Variants in ZNF273 observed in about 807,000 individuals in gnomAD.
ZNF273 encodes zinc finger protein 9.
A neutral mutation model predicts 14.9 loss-of-function variants in ZNF273; 11 were observed. The observed-to-expected ratio is 0.74, with a 90% CI of 0.46 to 1.22. ZNF273 has a LOEUF of 1.22. Among genes scored for constraint, ZNF273 ranks in the 50% most tolerant of loss-of-function variants. The pLI is 0.00. For missense variants in ZNF273, 577 were observed against 660.6 expected, an observed-to-expected ratio of 0.87 and a Z score of 1.39; for synonymous variants, 199 against 223.9, an observed-to-expected ratio of 0.89 and a Z score of 0.99.
intron 3 of ZNF273, among the ~76,000 whole-genome samples, chr7:64,925,061 C>T (rs1206490921): frequency 6.6e-6 from 1 of 152,160 alleles, no homozygotes; most frequent in Admixed American, 6.5e-5. Context: ...CTCGGTCTCC[C>T]AAAGTGCTGG....
intron 1 of ZNF273, among the ~76,000 whole-genome samples, chr7:64,904,532 C>CA (rs147431426): frequency 7.1e-4 from 108 of 152,304 alleles, no homozygotes; most frequent in African/African-American, 2.5e-3. Context: ...AGCAGAGTCT[C>CA]AAGACTACTC....
chr7:64,887,115 GT>G (rs1460290022), intron 1 of ZNF273, among the ~76,000 whole-genome samples: 1 of 152,216 alleles, frequency 6.6e-6, no homozygotes, highest in Admixed American at 6.5e-5. Flanking sequence ...TCGGTACTTG[GT>G]TTGGACTGAG....
chr7:64,923,481 A>G, intron 3 of ZNF273: 1 of 415,186 alleles, frequency 2.4e-6, no homozygotes, highest in Non-Finnish European at 4.7e-6. Context: ...AGCTGGGATT[A>G]TAGGCGAGTG....
At chr7:64,904,210 T>C (rs1792931851) in intron 1 of ZNF273, among the ~76,000 whole-genome samples, 1 of 152,144 alleles carries the variant, frequency 6.6e-6, no homozygotes, top group Admixed American at 6.5e-5. Context: ...TGCTTCAGCC[T>C]CCCAAGTAAC....
chr7:64,883,160 T>A (rs1791343970), downstream of ZNF273, among the ~76,000 whole-genome samples: 1 of 151,092 alleles, frequency 6.6e-6, no homozygotes, highest in South Asian at 2.1e-4. Context: ...CCGTGGTTCC[T>A]GAATCCGCGG....
At chr7:64,891,118 A>G (rs989385775), downstream of ZNF273, among the ~76,000 whole-genome samples, 11 of 152,168 alleles carry the variant, frequency 7.2e-5, no homozygotes, top group African/African-American at 2.7e-4. Context: ...CCTGGGCAGG[A>G]TGATGTCTTC....
intron 1 of ZNF273, among the ~76,000 whole-genome samples, chr7:64,912,208 C>A (rs1426069885): frequency 6.6e-6 from 1 of 152,184 alleles, no homozygotes; most frequent in African/African-American, 2.4e-5. Context: ...ATTCGCCCGC[C>A]TCGGCCTCCC....
intron 1 of ZNF273, among the ~76,000 whole-genome samples, chr7:64,911,896 G>T (rs1043292177): frequency 6.6e-6 from 1 of 151,862 alleles, no homozygotes; most frequent in Non-Finnish European, 1.5e-5. Flanking sequence ...CACTGCCTCA[G>T]CTGTGTTCCA....
intron 1 of ZNF273, among the ~76,000 whole-genome samples, chr7:64,912,647 G>A (rs888193301): frequency 2.6e-5 from 4 of 151,922 alleles, no homozygotes; most frequent in Non-Finnish European, 5.9e-5. Context: ...ATATAAATTA[G>A]AAATAAGAGG....
downstream of ZNF273, among the ~76,000 whole-genome samples, chr7:64,884,413 G>C (rs776784305): frequency 6.6e-6 from 1 of 152,084 alleles, no homozygotes; most frequent in Non-Finnish European, 1.5e-5. Context: ...GCACTCCTGG[G>C]CACCCGTTTC....
intron 1 of ZNF273, among the ~76,000 whole-genome samples, chr7:64,905,297 G>A (rs1793022947): frequency 6.6e-6 from 1 of 151,610 alleles, no homozygotes; most frequent in African/African-American, 2.4e-5. Flanking sequence ...TGTGTTTTTT[G>A]TAGAGAGGAG....
At chr7:64,908,447 G>C (rs538455806) in intron 1 of ZNF273, among the ~76,000 whole-genome samples, 2 of 152,210 alleles carry the variant, frequency 1.3e-5, no homozygotes, top group East Asian at 3.9e-4. Context: ...TCCCCGCTTT[G>C]AGTCCATGTG....
chr7:64,914,925 C>CTTTTT (rs35818236), intron 1 of ZNF273, among the ~76,000 whole-genome samples: 2 of 133,398 alleles, frequency 1.5e-5, no homozygotes, highest in African/African-American at 2.8e-5. Context: ...AAAAAATGGC[C>CTTTTT]TTTTTTTTTT....
chr7:64,925,733 C>T (rs905931977), intron 3 of ZNF273, among the ~76,000 whole-genome samples: 5 of 152,170 alleles, frequency 3.3e-5, no homozygotes, highest in Admixed American at 6.5e-5. Context: ...CTACCATGCC[C>T]GGCTGCATAC....
chr7:64,928,372 C>G lies in ZNF273; in HGVS notation c.1044C>G (p.Cys348Trp). ...ATACTGGAGAGAAACCCTACAAATG[C>G]AATGAATGTGGTAAAGCCTTTAACT... ...IIHTGEKPYKCNECGKAFNWS... is the reference protein window; with the variant it reads ...IIHTGEKPYKWNECGKAFNWS... Residue 348 changes from cysteine (C) to tryptophan (W), a missense_variant, in exon 4 of 4, where the codon TGC (cysteine) becomes TGG (tryptophan). Around this residue, in one of 3 missense-constraint regions of ZNF273, gnomAD observed 411 missense variants for 440.4 expected, o/e 0.93. Coordinates refer to ENST00000476120, the MANE Select transcript of ZNF273 (RefSeq NM_021148.3). The G allele has an allele frequency of 1.9e-6, 3 of 1,611,148 alleles. No homozygotes were observed. Among genetic ancestry groups the G allele is most frequent in the Non-Finnish European group, 2.5e-6 (3 of 1,179,192 alleles).
upstream of ZNF273, among the ~76,000 whole-genome samples, chr7:64,898,266 C>T (rs1714997469): frequency 1.3e-5 from 2 of 152,174 alleles, no homozygotes; most frequent in South Asian, 4.1e-4. Context: ...TCTATTTCAA[C>T]ACCTTCTTCA....
upstream of ZNF273, among the ~76,000 whole-genome samples, chr7:64,900,428 A>C (rs1792626348): frequency 6.6e-6 from 1 of 152,238 alleles, no homozygotes; most frequent in Non-Finnish European, 1.5e-5. Flanking sequence ...TTGTTTAGGC[A>C]GATAGCGAGG....
downstream of ZNF273, among the ~76,000 whole-genome samples, chr7:64,892,442 C>T (rs1792094518): frequency 6.6e-6 from 1 of 152,100 alleles, no homozygotes; most frequent in Non-Finnish European, 1.5e-5. Flanking sequence ...GAATCCATGA[C>T]CTTGGATGGG....
downstream of ZNF273, chr7:64,893,346 A>G (rs1400102836): frequency 6.6e-6 from 1 of 152,192 alleles, no homozygotes; most frequent in Non-Finnish European, 1.5e-5. Context: ...TCTATCATGA[A>G]CATCTTTCCA....
Sources: allele counts gnomAD v4.1 joint callset (sites outside exome capture counted in the v4.1 genomes callset), GRCh38; gene constraint gnomAD v4.1.1; regional missense constraint gnomAD v4.1.1; transcripts MANE v1.5; gene names NCBI Gene and HGNC (gene_info 2026-07-23, HGNC 2026-07-21).